Variants in CALD1 observed in about 807,000 individuals in gnomAD.
The protein encoded by CALD1 is caldesmon.
In CALD1, 33 loss-of-function variants were observed where a neutral mutation model predicts 99.9. The observed-to-expected ratio is 0.33, with a 90% CI of 0.25 to 0.44. The LOEUF is 0.44. Ranked by LOEUF, CALD1 falls within the 20% of genes least tolerant of loss-of-function variation. CALD1 has a pLI of 1.00. For missense variants in CALD1, 861 were observed against 962.1 expected (o/e 0.89, Z 1.39); for synonymous variants, 310 against 325.0 (o/e 0.95, Z 0.50).
At chr7:134,793,451 C>A (rs1246797690) in intron 1 of CALD1, among the ~76,000 whole-genome samples, 2 of 152,148 alleles carry the variant, frequency 1.3e-5, no homozygotes, top group Admixed American at 6.5e-5. Context: ...TGGTTTCAAG[C>A]GCCCATACAT....
chr7:134,915,130 G>T (rs1804111448), intron 3 of CALD1, among the ~76,000 whole-genome samples: 1 of 152,212 alleles, frequency 6.6e-6, no homozygotes, highest in African/African-American at 2.4e-5. Flanking sequence ...CTGGCAGATG[G>T]TTCTGAACAA....
intron 1 of CALD1, among the ~76,000 whole-genome samples, chr7:134,764,800 C>G (rs75572398): frequency 6.6e-6 from 1 of 151,968 alleles, no homozygotes; most frequent in South Asian, 2.1e-4. Context: ...GGAGAAGCAC[C>G]AAGACTGAAG....
At chr7:134,835,877 G>A (rs1472710145) in intron 1 of CALD1, among the ~76,000 whole-genome samples, 1 of 152,144 alleles carries the variant, frequency 6.6e-6, no homozygotes, top group Non-Finnish European at 1.5e-5. Context: ...TAGGCGAGGT[G>A]GCTCACACCT....
chr7:134,786,256 T>A (rs1471568094), intron 1 of CALD1, among the ~76,000 whole-genome samples: 2 of 152,336 alleles, frequency 1.3e-5, no homozygotes, highest in Admixed American at 1.3e-4. Context: ...TCTTACATCA[T>A]ATGTGCTACT....
intron 3 of CALD1, among the ~76,000 whole-genome samples, chr7:134,878,012 T>G (rs1400762921): frequency 6.6e-6 from 1 of 152,208 alleles, no homozygotes; most frequent in Non-Finnish European, 1.5e-5. Flanking sequence ...AAACTCACCA[T>G]ACAGCCTAAG....
At chr7:134,884,573 T>C (rs1325653397) in intron 3 of CALD1, among the ~76,000 whole-genome samples, 4 of 150,734 alleles carry the variant, frequency 2.7e-5, no homozygotes, top group African/African-American at 9.8e-5. Context: ...ATCTTCCTGA[T>C]ACCTGTCGAT....
chr7:134,866,324 T>C (rs770526776), intron 2 of CALD1, among the ~76,000 whole-genome samples: 1 of 152,194 alleles, frequency 6.6e-6, no homozygotes, highest in African/African-American at 2.4e-5. Flanking sequence ...AGGGAAGTAC[T>C]CTTGGTAAGA....
the CALD1 span, among the ~76,000 whole-genome samples, chr7:134,712,425 C>G: frequency 6.6e-6 from 1 of 152,142 alleles, no homozygotes; most frequent in Non-Finnish European, 1.5e-5. Context: ...AATTACATCC[C>G]GGCCACCAGA....
chr7:134,798,708 C>T (rs1797838430), intron 1 of CALD1, among the ~76,000 whole-genome samples: 1 of 152,206 alleles, frequency 6.6e-6, no homozygotes, highest in Non-Finnish European at 1.5e-5. Flanking sequence ...AGAAATCACC[C>T]CAATGACCGT....
chr7:134,779,882 C>T, intron 1 of CALD1, 133 bp downstream of exon 1: 1 of 392,352 alleles, frequency 2.5e-6, no homozygotes, highest in Non-Finnish European at 4.5e-6. Context: ...TGCAAACTCC[C>T]GAGCCTGACT....
intron 6 of CALD1, among the ~76,000 whole-genome samples, chr7:134,938,814 C>A (rs993721777): frequency 1.2e-4 from 18 of 151,948 alleles, no homozygotes; most frequent in African/African-American, 4.3e-4. Flanking sequence ...AAAGGCAGAG[C>A]TTGAAAAAAG....
At chr7:134,861,945 A>G (rs1800580572) in intron 2 of CALD1, among the ~76,000 whole-genome samples, 2 of 152,234 alleles carry the variant, frequency 1.3e-5, no homozygotes, top group Non-Finnish European at 2.9e-5. Flanking sequence ...AAGATATTGA[A>G]GAAAAGTATG....
At chr7:134,716,985 T>C in the CALD1 span, among the ~76,000 whole-genome samples, 1 of 152,232 alleles carries the variant, frequency 6.6e-6, no homozygotes, top group African/African-American at 2.4e-5. Context: ...AAGCTTTATA[T>C]ATATACTTAT....
At chr7:134,925,671 C>T (rs1165812631) in intron 3 of CALD1, among the ~76,000 whole-genome samples, 1 of 152,190 alleles carries the variant, frequency 6.6e-6, no homozygotes, top group Non-Finnish European at 1.5e-5. Flanking sequence ...ACGAGCACAG[C>T]ATGAGGGAAC....
At chr7:134,895,294 ATGTATG>A (rs1352902643) in intron 3 of CALD1, among the ~76,000 whole-genome samples, 24 of 122,732 alleles carry the variant, frequency 2.0e-4, no homozygotes, top group East Asian at 1.6e-3. Context: ...GGTTTTATAT[ATGTATG>A]TGTGTGTGTG....
chr7:134,744,783 C>T (rs1796621096), intron 1 of CALD1, among the ~76,000 whole-genome samples: 1 of 152,084 alleles, frequency 6.6e-6, no homozygotes, highest in African/African-American at 2.4e-5. Context: ...CTTGAAGAGC[C>T]TTGGAAGGCT....
At chr7:134,788,140 C>T (rs1797378318) in intron 1 of CALD1, among the ~76,000 whole-genome samples, 1 of 152,168 alleles carries the variant, frequency 6.6e-6, no homozygotes, top group African/African-American at 2.4e-5. Context: ...ATCATATAAA[C>T]TTACAATTAA....
intron 1 of CALD1, among the ~76,000 whole-genome samples, chr7:134,804,460 C>A (rs181411128): frequency 3.9e-4 from 60 of 152,276 alleles, no homozygotes; most frequent in African/African-American, 1.4e-3. Context: ...TTGGCATTTT[C>A]TAGGTTTGGT....
At chr7:134,729,506 C>T in the CALD1 span, among the ~76,000 whole-genome samples, 3 of 152,218 alleles carry the variant, frequency 2.0e-5, no homozygotes, top group African/African-American at 4.8e-5. Context: ...GGGTGTGGCA[C>T]GCAGCCCCCG....
Sources: allele counts gnomAD v4.1 joint callset (sites outside exome capture counted in the v4.1 genomes callset), GRCh38; gene constraint gnomAD v4.1.1; transcripts MANE v1.5; gene names NCBI Gene and HGNC (gene_info 2026-07-23, HGNC 2026-07-21).